The following CLCN6 variants were observed in gnomAD, a reference collection of about 807,000 sequenced individuals.
CLCN6 encodes H(+)/Cl(-) exchange transporter 6.
A neutral mutation model predicts 109.8 loss-of-function variants in CLCN6; 70 were observed. The ratio of observed to expected loss-of-function variants is 0.64; its 90% CI spans 0.53 to 0.78. The LOEUF is 0.78. Ranked by LOEUF, CLCN6 falls within the 30% of genes least tolerant of loss-of-function variation. The probability of loss-of-function intolerance (pLI) is 0.00; values close to 1 mark genes in which losing one functional copy is unlikely to be tolerated. For synonymous variants in CLCN6, 444 were observed against 447.8 expected, an observed-to-expected ratio of 0.99 and a Z score of 0.11; for missense variants, 984 against 1,142.3, an observed-to-expected ratio of 0.86 and a Z score of 2.00.
chr1:11,838,203 C>G, intron 20 of CLCN6, 132 bp from the exon 21 acceptor site: 1 of 800,876 alleles, frequency 1.2e-6, no homozygotes. Context: ...CTCTGGAGCG[C>G]TTGCTGCTGC....
chr1:11,823,739 C>A lies in CLCN6; in HGVS notation c.486C>A (p.Val162=), dbSNP rs1463351851. 2 of 1,614,138 alleles carry A rather than the reference C, an allele frequency of 1.2e-6. No individual in the cohort carries two copies. The highest frequency in any genetic ancestry group is 2.7e-5 in the African/African-American group (2 of 74,950). Residue 162 remains valine (V), a synonymous_variant, in exon 7 of 23, where the codon GTC becomes GTA. Coordinates refer to ENST00000346436, the MANE Select transcript of CLCN6 (RefSeq NM_001286.5). ...PVAAGSGIPE[V]KCYLNGVKVP... Reference sequence around the variant, plus strand: ...CAGCAGGTTCCGGGATACCCGAGGTCAAATGCTATCTGAATGGCGTAAAGG... The same window carrying A: ...CAGCAGGTTCCGGGATACCCGAGGTAAAATGCTATCTGAATGGCGTAAAGG...
intron 13 of CLCN6, among the ~76,000 whole-genome samples, chr1:11,830,741 ATAT>A (rs1644869747): frequency 4.0e-5 from 2 of 50,046 alleles, no homozygotes; most frequent in Admixed American, 1.4e-4. Flanking sequence ...TATATATTAT[ATAT>A]ATATATATAT....
At position 11,833,902 on chromosome 1, in the gene CLCN6, CTTG is replaced by C; in HGVS notation, c.1401_1403del (p.Leu467del). On this transcript the variant is annotated inframe_deletion, in exon 15 of 23. Coordinates refer to ENST00000346436, the MANE Select transcript of CLCN6 (RefSeq NM_001286.5). Reference sequence around the variant, plus strand: ...GTACTTTCAGCCCCGTCACTCTGGCCTTGTTCTTCGTTCTCTATTTCTTGCTTG... The same window carrying C: ...GTACTTTCAGCCCCGTCACTCTGGCCTTCTTCGTTCTCTATTTCTTGCTTG... The C allele has an allele frequency of 6.2e-7, 1 of 1,613,128 alleles. No homozygotes were observed. The highest frequency in any genetic ancestry group is 1.3e-5 in the African/African-American group (1 of 74,920).
chr1:11,836,212 G>A (rs919069662), intron 18 of CLCN6, 59 bp downstream of exon 18: 14 of 1,499,366 alleles, frequency 9.3e-6, no homozygotes, highest in African/African-American at 2.8e-5. Context: ...CGTCTCACAC[G>A]GCTTAGTGCT....
Position 11,840,355 on chromosome 1 carries a change from C to T in CLCN6, c.*132C>T. 1 of 803,108 alleles carries T rather than the reference C, an allele frequency of 1.2e-6. No homozygotes were observed. Among genetic ancestry groups the T allele is most frequent in the South Asian group, 1.4e-5 (1 of 70,646 alleles). 49.7% of individuals were successfully genotyped at this position (803,108 alleles called of 1,614,324 possible). ...CCCACTCACTCAGAAAGCCGGGAGTCATCGGACACCTTGCTGGTCAGAGGT... is the reference window on the plus strand; with the variant it reads ...CCCACTCACTCAGAAAGCCGGGAGTTATCGGACACCTTGCTGGTCAGAGGT... On this transcript the variant is annotated 3_prime_UTR_variant, in exon 23 of 23. Transcript: ENST00000346436.
At chr1:11,835,870 G>T in intron 17 of CLCN6, 97 bp from the exon 18 acceptor site, 1 of 886,228 alleles carries the variant, frequency 1.1e-6, no homozygotes, top group Non-Finnish European at 1.7e-6. Context: ...CCCCCACCCC[G>T]CCCGTGGTCT....
Position 11,822,085 on chromosome 1 carries a change from TTTTTG to T in CLCN6, c.347-596_347-592del, listed in dbSNP as rs983907949. 7.9e-5 allele frequency among the ~76,000 whole-genome samples: 12 copies of T among 152,152 alleles called. No individual in the cohort carries two copies. The East Asian group carries it at 1.7e-3, about 22-fold the overall frequency. ...GAGAGAGGAAGGAAAACTGTTTTTT[TTTTTG>T]TTTTGTTTTGTTTCTTAAAATGGTA... On this transcript the variant is annotated intron_variant, in intron 5 of 22. Transcript: ENST00000346436.
At chr1:11,826,078 T>C in intron 8 of CLCN6, 78 bp from the exon 9 acceptor site, 1 of 1,075,384 alleles carries the variant, frequency 9.3e-7, no homozygotes, top group Non-Finnish European at 1.4e-6. Context: ...TTTTTTTTTT[T>C]TCCATAATTA....
In CLCN6 at chr1:11,843,117, A is replaced by G. The variant is rs1645045783; in HGVS notation, c.*2894A>G. ...TGTAACCCTAACATGTGAGAATAAA[A>G]TGTCTTCTGTCTCCTCTGTCTCCTT... On this transcript the variant is annotated 3_prime_UTR_variant, in exon 23 of 23. Coordinates refer to ENST00000346436, the MANE Select transcript of CLCN6 (RefSeq NM_001286.5). 1 of 152,218 alleles carries G rather than the reference A, an allele frequency of 6.6e-6. No homozygotes were observed. The highest frequency in any genetic ancestry group is 1.5e-5 in the Non-Finnish European group (1 of 68,032). The allele number at this position is 152,218 out of a possible 1,614,324, so 9.4% of individuals were successfully genotyped here. A position where few individuals can be genotyped will look rare whatever the true frequency, so the allele number is the denominator to read the frequency against.
At chr1:11,827,423 G>A (rs760841253) in intron 10 of CLCN6, among the ~76,000 whole-genome samples, 23 of 134,978 alleles carry the variant, frequency 1.7e-4, no homozygotes, top group Non-Finnish European at 3.1e-4. Flanking sequence ...AAATCAAACC[G>A]CTGTTACTTT....
chr1:11,830,737 T>TATTA (rs1359328796), intron 13 of CLCN6, among the ~76,000 whole-genome samples: 1 of 91,112 alleles, frequency 1.1e-5, no homozygotes, highest in African/African-American at 4.0e-5. Context: ...TATGTATATA[T>TATTA]TATATATATA....
Position 11,828,167 on chromosome 1 carries a change from G to C in CLCN6, c.902G>C (p.Gly301Ala), listed in dbSNP as rs748520221. ...TTCTTCCGTTCTGGGATTCAGTTTGGAAGCTGGGGTTCCTTCCAGCTCCCT... is the reference window on the plus strand; with the variant it reads ...TTCTTCCGTTCTGGGATTCAGTTTGCAAGCTGGGGTTCCTTCCAGCTCCCT... Reference protein sequence around the residue: ...LNFFRSGIQFGSWGSFQLPGL... With the variant: ...LNFFRSGIQFASWGSFQLPGL... The change falls in exon 11 of 23, where the codon GGA becomes GCA. Residue 301 changes from glycine to alanine, a missense_variant. Coordinates refer to ENST00000346436, the MANE Select transcript of CLCN6 (RefSeq NM_001286.5). 9 of 1,614,066 alleles carry C rather than the reference G, an allele frequency of 5.6e-6. 1 individual carries two copies. In the South Asian group the frequency reaches 8.8e-5, roughly 16 times the overall value.
intron 13 of CLCN6, among the ~76,000 whole-genome samples, chr1:11,831,245 C>A (rs1356402651): frequency 6.6e-6 from 1 of 151,854 alleles, no homozygotes. Flanking sequence ...CAAACTCCAC[C>A]TCCTGGGTTC....
rs758823155 is a variant in CLCN6, at chr1:11,834,199, G to A, written c.1527-37G>A. 8 of 1,602,060 alleles carry A rather than the reference G, an allele frequency of 5.0e-6. No individual in the cohort carries two copies. In the South Asian group the frequency reaches 8.9e-5, roughly 18 times the overall value. ...GGTCCTCCCCACAGCCTATCAGTGT[G>A]GTTCAAAGCCATGTTCTCGGTGTTT... On this transcript the variant is annotated intron_variant, in intron 15 of 22. Transcript: ENST00000346436. This position sits in a 1 kb window ranked among gnomAD's most constrained non-coding sequence, Gnocchi z 4.5.
chr1:11,834,645 C>T lies in CLCN6; in HGVS notation c.1793+55C>T. 7.0e-7 allele frequency: 1 copy of T among 1,424,216 alleles called. No homozygotes were observed. The highest frequency in any genetic ancestry group is 1.8e-4 in the Middle Eastern group (1 of 5,576). The allele number at this position is 1,424,216 out of a possible 1,614,324, so 88.2% of individuals were successfully genotyped here. A position where few individuals can be genotyped will look rare whatever the true frequency, so the allele number is the denominator to read the frequency against. On this transcript the variant is annotated intron_variant, in intron 17 of 22. Coordinates refer to ENST00000346436, the MANE Select transcript of CLCN6 (RefSeq NM_001286.5). This position sits in a 1 kb window ranked among gnomAD's most constrained non-coding sequence, Gnocchi z 4.5. ...TTTCAGAATGTATAAGCTCTGAGGC[C>T]TAAGGAATGTTGTTATTAGGGTAGG...
At chr1:11,838,754 C>A in intron 22 of CLCN6, 94 bp downstream of exon 22, 1 of 1,568,968 alleles carries the variant, frequency 6.4e-7, no homozygotes, top group African/African-American at 1.3e-5. Flanking sequence ...GAAACGTAGG[C>A]ATCCCACCAG....
intron 11 of CLCN6, 62 bp downstream of exon 11, chr1:11,828,281 A>G: frequency 6.6e-7 from 1 of 1,503,944 alleles, no homozygotes. Flanking sequence ...CTCTCAAGTG[A>G]AGGACCAGAG....
At chr1:11,821,244 G>A (rs1485170399) in intron 5 of CLCN6, among the ~76,000 whole-genome samples, 1 of 152,026 alleles carries the variant, frequency 6.6e-6, no homozygotes, top group African/African-American at 2.4e-5. Flanking sequence ...GCATTTAAGA[G>A]GCAGATAATT....
chr1:11,814,766 C>T (rs1644647198), intron 2 of CLCN6, among the ~76,000 whole-genome samples: 1 of 152,004 alleles, frequency 6.6e-6, no homozygotes, highest in African/African-American at 2.4e-5. Flanking sequence ...GGCGCAGTGG[C>T]TCATGCCTGT....
Sources: gnomAD v4.1 joint callset for allele counts (sites outside exome capture counted in the v4.1 genomes callset) on GRCh38, gnomAD v4.1.1 for gene constraint, Gnocchi (gnomAD v3.1) non-coding constraint, MANE v1.5 for transcripts, NCBI Gene and HGNC (gene_info 2026-07-23, HGNC 2026-07-21) for gene names.